MTMR12: variants seen among roughly 807,000 people sequenced by gnomAD.
MTMR12 encodes myotubularin-related protein 12.
Under a neutral mutation model 96.7 loss-of-function variants are expected in MTMR12, and 33 were observed. The ratio of observed to expected loss-of-function variants is 0.34; its 90% CI spans 0.26 to 0.46. The LOEUF is 0.46. Ranked by LOEUF, MTMR12 falls within the 20% of genes least tolerant of loss-of-function variation. The pLI is 1.00. For missense variants in MTMR12, 721 were observed against 896.1 expected (o/e 0.80, Z 2.49); for synonymous variants, 298 against 327.2 (o/e 0.91, Z 0.96).
chr5:32,255,740 G>A lies in MTMR12; in HGVS notation c.742C>T (p.Pro248Ser). The A allele has an allele frequency of 6.2e-7, 1 of 1,612,894 alleles. No homozygotes were observed. The highest frequency in any genetic ancestry group is 2.2e-5 in the East Asian group (1 of 44,836). The change falls in exon 8 of 16, where the codon CCT becomes TCT. Residue 248 changes from proline to serine, a missense_variant. By Grantham distance (74) the Pro-to-Ser change is moderately conservative. Transcript: ENST00000382142. Reference sequence around the variant, plus strand: ...CGCTGCACATTCTCTTCAGGAAGAGGGGTGGGGACAACAAAGTATGCTGGC... The same window carrying A: ...CGCTGCACATTCTCTTCAGGAAGAGAGGTGGGGACAACAAAGTATGCTGGC... ...RLPAYFVVPT[P>S]LPEENVQRFQ...
intron 1 of MTMR12, among the ~76,000 whole-genome samples, chr5:32,298,907 C>T (rs1278418752): frequency 1.3e-5 from 2 of 148,752 alleles, no homozygotes; most frequent in Non-Finnish European, 3.0e-5. Flanking sequence ...GAGCCGAGAT[C>T]GCGCCACTGC....
rs767292668 is a variant in MTMR12, at chr5:32,239,107, C to G, written c.1238G>C (p.Cys413Ser). Residue 413 changes from cysteine (C) to serine (S), a missense_variant, in exon 13 of 16, where the codon TGC (cysteine) becomes TCC (serine). Transcript: ENST00000382142. ...GCTCTGGAAACCAATTCTGGTTCTG[C>G]AGTGGGGGTCCATCATCAGTTGCAC... ...SLVQLMMDPH[C>S]RTRIGFQSLI... is the part of the protein sequence containing the mutation. 6.2e-7 allele frequency: 1 copy of G among 1,610,176 alleles called. No homozygotes were observed. Among genetic ancestry groups the G allele is most frequent in the Non-Finnish European group, 8.5e-7 (1 of 1,178,164 alleles).
chr5:32,299,179 T>C (rs74838675), intron 1 of MTMR12, among the ~76,000 whole-genome samples: 2,386 of 152,272 alleles, frequency 0.016, 68 homozygotes, highest in African/African-American at 0.054. Context: ...TGCTAGGTAC[T>C]GTGTAAACAG....
In MTMR12 at chr5:32,228,591, G is replaced by GTT. The variant is rs1747849305; in HGVS notation, c.*1186_*1187insAA. 1 of 103,670 alleles carries GTT rather than the reference G, an allele frequency of 9.6e-6. No homozygotes were observed. The highest frequency in any genetic ancestry group is 3.9e-5 in the African/African-American group (1 of 25,430). The allele number at this position is 103,670 out of a possible 1,614,324, so 6.4% of individuals were successfully genotyped here. A position where few individuals can be genotyped will look rare whatever the true frequency, so the allele number is the denominator to read the frequency against. On this transcript the variant is annotated 3_prime_UTR_variant, in exon 16 of 16. Coordinates refer to ENST00000382142, the MANE Select transcript of MTMR12 (RefSeq NM_001040446.3). ...TATCATATATATATCATATATATGT[G>GTT]ATATATATATATATATCATATATAT...
intron 1 of MTMR12, among the ~76,000 whole-genome samples, chr5:32,277,751 C>G (rs561078347): frequency 6.6e-6 from 1 of 151,984 alleles, no homozygotes; most frequent in Non-Finnish European, 1.5e-5. Context: ...AGCATGATCC[C>G]CTCTCCTTCC....
At chr5:32,308,449 A>C (rs1442930597) in intron 1 of MTMR12, among the ~76,000 whole-genome samples, 2 of 152,192 alleles carry the variant, frequency 1.3e-5, no homozygotes, top group African/African-American at 4.8e-5. Context: ...AACTCCTCCC[A>C]CTGGGTAAGC....
At chr5:32,310,523 T>C (rs1751537269) in intron 1 of MTMR12, among the ~76,000 whole-genome samples, 1 of 152,180 alleles carries the variant, frequency 6.6e-6, no homozygotes. Context: ...TGGAGGTCAT[T>C]ATGTTAAGTG....
At chr5:32,282,775 G>A (rs1214828027) in intron 1 of MTMR12, among the ~76,000 whole-genome samples, 1 of 152,194 alleles carries the variant, frequency 6.6e-6, no homozygotes, top group Non-Finnish European at 1.5e-5. Context: ...CTGTTTGGGT[G>A]GGTAGGAAGG....
chr5:32,258,464 C>T (rs761297541), intron 7 of MTMR12, among the ~76,000 whole-genome samples: 2 of 152,164 alleles, frequency 1.3e-5, no homozygotes, highest in African/African-American at 4.8e-5. Flanking sequence ...CATCCAAGAA[C>T]TATTAAATCA....
chr5:32,285,357 CAAAAAAA>C (rs35792337), intron 1 of MTMR12, among the ~76,000 whole-genome samples: 1 of 109,694 alleles, frequency 9.1e-6, no homozygotes, highest in African/African-American at 3.4e-5. Context: ...GATTCCATTT[CAAAAAAA>C]AAAAAAAAAA....
At chr5:32,257,769 A>G (rs936485231) in intron 7 of MTMR12, among the ~76,000 whole-genome samples, 2 of 150,736 alleles carry the variant, frequency 1.3e-5, no homozygotes, top group African/African-American at 5.0e-5. Flanking sequence ...CTCTGTCTCA[A>G]AAAAACAAAC....
chr5:32,249,272 T>TA (rs1408355336), intron 8 of MTMR12, among the ~76,000 whole-genome samples: 2 of 151,974 alleles, frequency 1.3e-5, no homozygotes, highest in Non-Finnish European at 2.9e-5. Flanking sequence ...TGGGTATGAT[T>TA]ATTTATCCCC....
rs1473889596 is a variant in MTMR12 at position 32,270,837 on chromosome 5, T to C, written c.469A>G (p.Lys157Glu). Residue 157 changes from lysine (K) to glutamate (E), a missense_variant, in exon 5 of 16, where the codon AAG becomes GAG. Lys to Glu is a moderately conservative substitution (Grantham distance 56, BLOSUM62 1). Transcript: ENST00000382142. ...RVFQFCLRYT[K>E]EEEVKRIVSG... ...GTTACCCTTTTGACTTCCTCTTCCT[T>C]TGTGTACCTCAGACAAAACTGGAAC... 1 of 1,611,816 alleles carries C rather than the reference T, an allele frequency of 6.2e-7. No individual in the cohort carries two copies. Among genetic ancestry groups the C allele is most frequent in the African/African-American group, 1.3e-5 (1 of 74,830 alleles).
chr5:32,281,943 T>C (rs1224785730), intron 1 of MTMR12, among the ~76,000 whole-genome samples: 1 of 151,514 alleles, frequency 6.6e-6, no homozygotes, highest in Non-Finnish European at 1.5e-5. Context: ...AGGACCTGCT[T>C]GGGCATGCAC....
intron 1 of MTMR12, among the ~76,000 whole-genome samples, chr5:32,303,815 T>G (rs1311973319): frequency 8.3e-6 from 1 of 120,978 alleles, no homozygotes; most frequent in African/African-American, 3.3e-5. Context: ...CTCTTGTCAA[T>G]GGCTACAAAC....
Position 32,243,599 on chromosome 5 carries a change from T to G in MTMR12, c.1022A>C (p.Asp341Ala). ...TGTGTCCCAAAATTCAGTACTGTTA[T>G]CTGAAAAAAGAAAAAGGAGTAAAGA... ...YSKFKQLFLI[D>A]NSTEFWDTDI... Residue 341 changes from aspartate (D) to alanine (A), a missense_variant and splice_region_variant, in exon 11 of 16, where the codon GAT (aspartate) becomes GCT (alanine). Transcript: ENST00000382142. 1 of 1,597,546 alleles carries G rather than the reference T, an allele frequency of 6.3e-7. No individual in the cohort carries two copies. Among genetic ancestry groups the G allele is most frequent in the Middle Eastern group, 1.7e-4 (1 of 6,024 alleles).
At chr5:32,304,048 C>T (rs936599618) in intron 1 of MTMR12, among the ~76,000 whole-genome samples, 25 of 152,050 alleles carry the variant, frequency 1.6e-4, no homozygotes, top group Non-Finnish European at 3.2e-4. Flanking sequence ...ATAGGCCGGG[C>T]GCAGTAGCTC....
chr5:32,309,729 C>T (rs990730403), intron 1 of MTMR12: 4 of 151,824 alleles, frequency 2.6e-5, no homozygotes, highest in Admixed American at 6.6e-5. Flanking sequence ...GGCCCCTGCG[C>T]AAGGATGACA....
At position 32,260,972 on chromosome 5, in the gene MTMR12, C is replaced by T. The variant is rs553272008; in HGVS notation, c.713+2141G>A. On this transcript the variant is annotated intron_variant, in intron 7 of 15. Transcript: ENST00000382142. ...GGTCAGCCAGGCGCAGTGGCTCACG[C>T]GTGTAATCCCAGCACTTTGGGAGGC... Among the ~76,000 whole-genome samples, 119 of 151,798 alleles carry T rather than the reference C, an allele frequency of 7.8e-4. 2 individuals carry two copies. The highest frequency in any genetic ancestry group is 6.8e-3 in the Middle Eastern group (2 of 294).
Sources: gnomAD v4.1 joint callset for allele counts (sites outside exome capture counted in the v4.1 genomes callset) on GRCh38, gnomAD v4.1.1 for gene constraint, MANE v1.5 for transcripts, NCBI Gene and HGNC (gene_info 2026-07-23, HGNC 2026-07-21) for gene names.